The following SLC23A2 variants were observed in gnomAD, a reference collection of about 807,000 sequenced individuals.
SLC23A2 encodes solute carrier family 23 member 2, also known as Na(+)/L-ascorbic acid transporter 2.
In SLC23A2, 36 loss-of-function variants were observed where a neutral mutation model predicts 73.3. The ratio of observed to expected loss-of-function variants is 0.49; its 90% confidence interval spans 0.38 to 0.65. SLC23A2 has a LOEUF of 0.65. SLC23A2 is among the 30% of genes least tolerant of loss of function. The pLI is 0.00. For missense variants in SLC23A2, 507 were observed against 841.6 expected (o/e 0.60, Z 4.92); for synonymous variants, 343 against 327.3 (o/e 1.05, Z -0.52).
rs1461408206 is a variant in SLC23A2, at chr20:4,998,725, G to GATTAA, written c.-282+2676_-282+2680dup. The stretch of plus-strand genomic sequence containing the variant: ...TGTTTAAATTTAAAAAGCCTAAGAG[G>GATTAA]ATTAAATATAAATACGTTTTTAAAA... On this transcript the variant is annotated intron_variant, in intron 1 of 16. Coordinates refer to ENST00000338244, the MANE Select transcript of SLC23A2 (RefSeq NM_005116.6). The surrounding 1 kb of genome is among the most constrained non-coding windows in gnomAD (Gnocchi z 4.1). Among the ~76,000 whole-genome samples the GATTAA allele has an allele frequency of 6.6e-6, 1 of 151,750 alleles. No individual in the cohort carries two copies. The highest frequency in any genetic ancestry group is 1.5e-5 in the Non-Finnish European group (1 of 67,974).
chr20:4,865,901 C>T (rs1485285543), intron 13 of SLC23A2, among the ~76,000 whole-genome samples: 3 of 152,088 alleles, frequency 2.0e-5, no homozygotes, highest in African/African-American at 7.2e-5. Flanking sequence ...GGCATGATCT[C>T]AGCTCACTGC....
Position 4,862,997 on chromosome 20 carries a change from A to G in SLC23A2, c.1357-90T>C, listed in dbSNP as rs1930039596. 7.3e-7 allele frequency: 1 copy of G among 1,360,782 alleles called. No homozygotes were observed. The highest frequency in any genetic ancestry group is 1.0e-6 in the Non-Finnish European group (1 of 989,288). 84.3% of individuals were successfully genotyped at this position (1,360,782 alleles called of 1,614,324 possible). A position where few individuals can be genotyped will look rare whatever the true frequency, so the allele number is the denominator to read the frequency against. ...TAAAGAACACACAGCAGAGATACCC[A>G]TGGCCTGGCTCGCTACCTTCACCTC... On this transcript the variant is annotated intron_variant, in intron 13 of 16. Coordinates refer to ENST00000338244, the MANE Select transcript of SLC23A2 (RefSeq NM_005116.6). This position sits in a 1 kb window ranked among gnomAD's most constrained non-coding sequence, Gnocchi z 5.1.
intron 2 of SLC23A2, among the ~76,000 whole-genome samples, chr20:4,942,374 C>CAAAAAAAAAAAAAAAAAAAA: frequency 2.1e-5 from 1 of 47,400 alleles, no homozygotes; most frequent in African/African-American, 6.8e-5. Flanking sequence ...GCTACAGTCT[C>CAAAAAAAAAAAAAAAAAAAA]AAAAAAAAAA....
intron 1 of SLC23A2, among the ~76,000 whole-genome samples, chr20:4,972,586 TG>T (rs1249721888): frequency 1.3e-5 from 2 of 151,534 alleles, no homozygotes; most frequent in Admixed American, 6.6e-5. Flanking sequence ...GTTTTTTTGT[TG>T]TTGTTGTTGT....
At chr20:4,895,131 A>G (rs929445735) in intron 6 of SLC23A2, among the ~76,000 whole-genome samples, 4 of 152,240 alleles carry the variant, frequency 2.6e-5, no homozygotes, top group Non-Finnish European at 2.9e-5. Context: ...GGAGCTGGAG[A>G]AGTCTGACAC....
At chr20:4,973,883 A>G (rs1168049125) in intron 1 of SLC23A2, among the ~76,000 whole-genome samples, 3 of 152,184 alleles carry the variant, frequency 2.0e-5, no homozygotes, top group African/African-American at 7.2e-5. Context: ...AGGATGTGCA[A>G]AAGTACATAC....
chr20:4,975,994 C>T (rs998528528), intron 1 of SLC23A2, among the ~76,000 whole-genome samples: 1 of 151,616 alleles, frequency 6.6e-6, no homozygotes, highest in African/African-American at 2.4e-5. Context: ...GCTGGGATTA[C>T]GGGCACCTGT....
rs2122762267 is a variant in SLC23A2 at position 4,856,146 on chromosome 20, G to C, written c.*826C>G. On this transcript the variant is annotated 3_prime_UTR_variant, in exon 17 of 17. Coordinates refer to ENST00000338244, the MANE Select transcript of SLC23A2 (RefSeq NM_005116.6). The surrounding 1 kb of genome is among the most constrained non-coding windows in gnomAD (Gnocchi z 4.6). Reference sequence around the variant, plus strand: ...GCAGAGCCAAGACGCCCATCAGCTTGTGTGACTGGTGCCTTGGGTGGCACT... The same window carrying C: ...GCAGAGCCAAGACGCCCATCAGCTTCTGTGACTGGTGCCTTGGGTGGCACT... The C allele has an allele frequency of 6.6e-6, 1 of 152,376 alleles. No individual in the cohort carries two copies. Among genetic ancestry groups the C allele is most frequent in the Admixed American group, 6.5e-5 (1 of 15,304 alleles). The allele number at this position is 152,376 out of a possible 1,614,324, so 9.4% of individuals were successfully genotyped here.
chr20:4,918,803 G>A (rs544245948), intron 3 of SLC23A2, among the ~76,000 whole-genome samples: 8 of 152,122 alleles, frequency 5.3e-5, no homozygotes, highest in African/African-American at 1.4e-4. Flanking sequence ...GTGTCTGGCC[G>A]CTAAGAGAAC....
chr20:4,880,873 C>A (rs149379852), intron 9 of SLC23A2, among the ~76,000 whole-genome samples: 5 of 152,182 alleles, frequency 3.3e-5, no homozygotes, highest in Non-Finnish European at 7.4e-5. Flanking sequence ...TAGCTTGTGT[C>A]TAACTGATGT....
intron 1 of SLC23A2, among the ~76,000 whole-genome samples, chr20:4,981,552 G>T (rs918185065): frequency 2.0e-5 from 3 of 152,084 alleles, no homozygotes; most frequent in African/African-American, 7.2e-5. Context: ...CCAGGTGATC[G>T]CAATTTGCTG....
At chr20:4,965,197 C>G (rs1401910638) in intron 2 of SLC23A2, among the ~76,000 whole-genome samples, 1 of 152,046 alleles carries the variant, frequency 6.6e-6, no homozygotes, top group African/African-American at 2.4e-5. Context: ...TTCCTGGTAA[C>G]CAGGAGCCTA....
rs1308210259 is a variant in SLC23A2, at chr20:4,854,967, G to T, written c.*2005C>A. Reference sequence around the variant, plus strand: ...GCAAAATCCAAACAGAAGGAACTGAGAGCAACTCATTGCAGGAGGGCTGCC... The same window carrying T: ...GCAAAATCCAAACAGAAGGAACTGATAGCAACTCATTGCAGGAGGGCTGCC... On this transcript the variant is annotated 3_prime_UTR_variant, in exon 17 of 17. Coordinates refer to ENST00000338244, the MANE Select transcript of SLC23A2 (RefSeq NM_005116.6). 1 of 152,462 alleles carries T rather than the reference G, an allele frequency of 6.6e-6. No individual in the cohort carries two copies. Among genetic ancestry groups the T allele is most frequent in the Non-Finnish European group, 1.5e-5 (1 of 68,036 alleles). 9.4% of individuals were successfully genotyped at this position (152,462 alleles called of 1,614,324 possible). A position where few individuals can be genotyped will look rare whatever the true frequency, so the allele number is the denominator to read the frequency against.
At chr20:4,914,258 G>A (rs932149775) in intron 3 of SLC23A2, among the ~76,000 whole-genome samples, 1 of 151,770 alleles carries the variant, frequency 6.6e-6, no homozygotes, top group African/African-American at 2.4e-5. Flanking sequence ...TCCCTGAGAG[G>A]CCTAAGGAAA....
In SLC23A2 at chr20:5,007,416, G is replaced by A. The variant is rs1419312498; in HGVS notation, c.-282+2766C>T. Among the ~76,000 whole-genome samples the A allele has an allele frequency of 2.0e-5, 3 of 151,846 alleles. 1 individual carries two copies. In the South Asian group the frequency reaches 6.2e-4, roughly 32 times the overall value. On this transcript the variant is annotated intron_variant, in intron 1 of 16. Coordinates refer to the SLC23A2 transcript ENST00000379333. ...CATGGTGACATACACGTGTAGTCCC[G>A]GCTACTTGGGAGGCTGAGGCAGGAA...
intron 2 of SLC23A2, among the ~76,000 whole-genome samples, chr20:4,968,811 T>A (rs1310187337): frequency 6.7e-6 from 1 of 149,660 alleles, no homozygotes. Flanking sequence ...CTCAGCCTCC[T>A]GAGGTCATGC....
intron 2 of SLC23A2, among the ~76,000 whole-genome samples, chr20:4,935,544 A>T (rs2086949026): frequency 6.6e-6 from 1 of 152,174 alleles, no homozygotes; most frequent in African/African-American, 2.4e-5. Flanking sequence ...CACGCCTGTA[A>T]TCCCAGCACT....
chr20:4,922,090 G>T (rs1407761756), intron 3 of SLC23A2, among the ~76,000 whole-genome samples: 1 of 152,152 alleles, frequency 6.6e-6, no homozygotes, highest in African/African-American at 2.4e-5. Flanking sequence ...TTATGGTAAA[G>T]AAATCAATCT....
chr20:4,919,273 T>C (rs147194818), intron 3 of SLC23A2, among the ~76,000 whole-genome samples: 1 of 152,330 alleles, frequency 6.6e-6, no homozygotes, highest in Non-Finnish European at 1.5e-5. Flanking sequence ...TCACTGCCTC[T>C]TCCCACAGGA....
Sources: gnomAD v4.1 joint callset for allele counts (sites outside exome capture counted in the v4.1 genomes callset) on GRCh38, gnomAD v4.1.1 for gene constraint, Gnocchi (gnomAD v3.1) non-coding constraint, MANE v1.5 for transcripts, NCBI Gene and HGNC (gene_info 2026-07-23, HGNC 2026-07-21) for gene names.